TAFA1: variants seen among roughly 807,000 people sequenced by gnomAD.
TAFA1 encodes TAFA chemokine like family member 1.
TAFA1 carries 4 observed loss-of-function variants against 18.5 expected under a neutral mutation model. That is an observed-to-expected ratio of 0.22 (90% CI 0.11 to 0.49). TAFA1 has a LOEUF of 0.49. TAFA1 is among the 20% of genes least tolerant of loss of function. The pLI is 0.98. For missense variants in TAFA1, 147 were observed against 169.0 expected (o/e 0.87, Z 0.72); for synonymous variants, 56 against 55.2 (o/e 1.01, Z -0.06).
intron 2 of TAFA1, among the ~76,000 whole-genome samples, chr3:68,305,415 ATATAT>A (rs1414831384): frequency 6.7e-5 from 2 of 29,876 alleles, no homozygotes; most frequent in Admixed American, 7.5e-4. Flanking sequence ...ATGACTATAT[ATATAT>A]ATATATATAT....
chr3:68,441,117 A>G (rs567987305), intron 3 of TAFA1, among the ~76,000 whole-genome samples: 42 of 152,300 alleles, frequency 2.8e-4, no homozygotes, highest in African/African-American at 8.4e-4. Context: ...CACAAGGCCT[A>G]GTGGGCCTAT....
intron 2 of TAFA1, among the ~76,000 whole-genome samples, chr3:68,052,309 C>T (rs1193217747): frequency 1.3e-5 from 2 of 152,070 alleles, no homozygotes; most frequent in African/African-American, 4.8e-5. Flanking sequence ...CTAAACAGGC[C>T]ATCTCCATCA....
intron 3 of TAFA1, among the ~76,000 whole-genome samples, chr3:68,473,521 T>C (rs1236713862): frequency 6.6e-6 from 1 of 152,150 alleles, no homozygotes; most frequent in African/African-American, 2.4e-5. Flanking sequence ...TCTAGTGGTC[T>C]TACTAGCAGG....
chr3:68,162,794 C>T (rs2065941482), intron 2 of TAFA1, among the ~76,000 whole-genome samples: 1 of 152,190 alleles, frequency 6.6e-6, no homozygotes, highest in Non-Finnish European at 1.5e-5. Flanking sequence ...TCTTGCCTCT[C>T]TGATTATGTT....
chr3:68,014,320 G>T (rs548607216), intron 2 of TAFA1, among the ~76,000 whole-genome samples: 13 of 152,122 alleles, frequency 8.5e-5, no homozygotes, highest in African/African-American at 2.7e-4. Flanking sequence ...ATTAATATTG[G>T]GTATGTATTC....
At chr3:68,034,309 C>T (rs960776048) in intron 2 of TAFA1, among the ~76,000 whole-genome samples, 3 of 152,130 alleles carry the variant, frequency 2.0e-5, no homozygotes, top group African/African-American at 7.2e-5. Flanking sequence ...ACATGAGACA[C>T]TTATTCTGTG....
intron 3 of TAFA1, among the ~76,000 whole-genome samples, chr3:68,442,233 A>G (rs1345154674): frequency 6.6e-6 from 1 of 152,186 alleles, no homozygotes; most frequent in Non-Finnish European, 1.5e-5. Flanking sequence ...ACAGTTGTGG[A>G]CACCCAGGAG....
intron 2 of TAFA1, among the ~76,000 whole-genome samples, chr3:68,120,241 CTTTCT>C (rs1418586949): frequency 7.2e-5 from 6 of 83,416 alleles, no homozygotes; most frequent in Admixed American, 2.7e-4. Flanking sequence ...TTCTTTCTTT[CTTTCT>C]TTCTTTCTTT....
chr3:68,110,013 A>T (rs1291890391), intron 2 of TAFA1, among the ~76,000 whole-genome samples: 3 of 152,220 alleles, frequency 2.0e-5, no homozygotes. Context: ...CATGTGCAGC[A>T]TGTGCAGGTT....
chr3:68,511,817 A>G, intron 3 of TAFA1, among the ~76,000 whole-genome samples: 1 of 152,158 alleles, frequency 6.6e-6, no homozygotes, highest in South Asian at 2.1e-4. Flanking sequence ...ATTATAGTAG[A>G]TAAATATAAG....
At chr3:68,506,503 T>G (rs1354589892) in intron 3 of TAFA1, among the ~76,000 whole-genome samples, 1 of 141,844 alleles carries the variant, frequency 7.1e-6, no homozygotes, top group Non-Finnish European at 1.6e-5. Context: ...CAAATATGCT[T>G]TATCAGTTTA....
chr3:68,281,609 G>A (rs1166052162), intron 2 of TAFA1, among the ~76,000 whole-genome samples: 5 of 151,466 alleles, frequency 3.3e-5, no homozygotes, highest in Non-Finnish European at 7.4e-5. Flanking sequence ...AGTCGGGACT[G>A]CAGGCGCATC....
rs2073436855 is a variant in TAFA1, at chr3:68,545,084, T to G, written c.*581T>G. 6.6e-6 allele frequency: 1 copy of G among 152,608 alleles called. No homozygotes were observed. The highest frequency in any genetic ancestry group is 2.4e-5 in the African/African-American group (1 of 41,446). 9.5% of individuals were successfully genotyped at this position (152,608 alleles called of 1,614,324 possible). ...TGAATCAAGAACTTCCTTCTGCTTC[T>G]ACCAGATGGCCCAAGGAAGCACATC... On this transcript the variant is annotated 3_prime_UTR_variant, in exon 5 of 5. Coordinates refer to ENST00000478136, the MANE Select transcript of TAFA1 (RefSeq NM_213609.4).
intron 2 of TAFA1, among the ~76,000 whole-genome samples, chr3:68,403,735 T>C (rs1435519850): frequency 6.6e-6 from 1 of 152,216 alleles, no homozygotes; most frequent in Non-Finnish European, 1.5e-5. Context: ...ATGTTTATTA[T>C]CTGGATGTTT....
intron 3 of TAFA1, among the ~76,000 whole-genome samples, chr3:68,427,666 C>G (rs1388446285): frequency 6.6e-6 from 1 of 151,800 alleles, no homozygotes; most frequent in East Asian, 1.9e-4. Flanking sequence ...CCCCCCCATA[C>G]AAGTTCAAAC....
Position 68,063,202 on chromosome 3 carries a change from A to G in TAFA1, c.118+56458A>G, listed in dbSNP as rs2064628190. ...ATTCACATTAAAAAGGAAAAGTGTGAATCAAAGCTTATTTGAAATCCCATA... is the reference window on the plus strand; with the variant it reads ...ATTCACATTAAAAAGGAAAAGTGTGGATCAAAGCTTATTTGAAATCCCATA... On this transcript the variant is annotated intron_variant, in intron 2 of 4. Coordinates refer to ENST00000478136, the MANE Select transcript of TAFA1 (RefSeq NM_213609.4). 2.0e-5 allele frequency among the ~76,000 whole-genome samples: 3 copies of G among 152,198 alleles called. No homozygotes were observed. The South Asian group carries it at 6.2e-4, about 31-fold the overall frequency.
At chr3:68,395,499 A>G (rs78534290) in intron 2 of TAFA1, among the ~76,000 whole-genome samples, 1 of 152,206 alleles carries the variant, frequency 6.6e-6, no homozygotes, top group African/African-American at 2.4e-5. Flanking sequence ...TTTACTGCAC[A>G]TGCACACATA....
chr3:68,535,074 T>A (rs2073254949), intron 3 of TAFA1, among the ~76,000 whole-genome samples: 1 of 152,150 alleles, frequency 6.6e-6, no homozygotes, highest in Admixed American at 6.6e-5. Flanking sequence ...AAATATTAGG[T>A]GGGGTTTAAG....
chr3:68,487,886 C>T (rs982031979), intron 3 of TAFA1, among the ~76,000 whole-genome samples: 7 of 147,194 alleles, frequency 4.8e-5, no homozygotes, highest in Non-Finnish European at 1.0e-4. Context: ...GATGTTTTTG[C>T]TTGTTCTTTT....
Sources: gnomAD v4.1 joint callset for allele counts (sites outside exome capture counted in the v4.1 genomes callset) on GRCh38, gnomAD v4.1.1 for gene constraint, MANE v1.5 for transcripts, NCBI Gene and HGNC (gene_info 2026-07-23, HGNC 2026-07-21) for gene names.